The following DCAF5 variants were observed in gnomAD, a reference collection of about 807,000 sequenced individuals.
DCAF5 encodes DDB1 and CUL4 associated factor 5.
DCAF5 carries 9 observed loss-of-function variants against 80.7 expected under a neutral mutation model. The ratio of observed to expected loss-of-function variants is 0.11; its 90% CI spans 0.07 to 0.19. DCAF5 has a LOEUF of 0.19. Among genes scored for constraint, DCAF5 ranks in the 10% least tolerant of loss-of-function variants. The pLI is 1.00. For synonymous variants in DCAF5, 433 were observed against 461.9 expected (o/e 0.94, Z 0.80); for missense variants, 842 against 1,205.7 (o/e 0.70, Z 4.47).
At chr14:69,145,406 A>G (rs1233221097) in intron 1 of DCAF5, among the ~76,000 whole-genome samples, 1 of 152,232 alleles carries the variant, frequency 6.6e-6, no homozygotes, top group East Asian at 1.9e-4. Flanking sequence ...TAATGTGTCT[A>G]AAGATAAATT....
chr14:69,070,542 G>T (rs2038645993), intron 7 of DCAF5, among the ~76,000 whole-genome samples: 1 of 152,230 alleles, frequency 6.6e-6, no homozygotes, highest in Non-Finnish European at 1.5e-5. Context: ...CATGTAGTTA[G>T]TGGTAGTTAA....
At chr14:69,141,694 C>T (rs1006276990) in intron 1 of DCAF5, among the ~76,000 whole-genome samples, 27 of 152,150 alleles carry the variant, frequency 1.8e-4, no homozygotes, top group South Asian at 1.0e-3. Context: ...AGGCAGGTGA[C>T]GTAGAGTTAC....
rs147750089 is a variant in DCAF5 at position 69,081,088 on chromosome 14, A to T, written c.880-5677T>A. Among the ~76,000 whole-genome samples, 5 of 152,280 alleles carry T rather than the reference A, an allele frequency of 3.3e-5. No individual in the cohort carries two copies. The East Asian group carries it at 9.6e-4, about 29-fold the overall frequency. Reference sequence around the variant, plus strand: ...TAAAAGAATATAAGAAAAAATAAAAAACAAAAAAAATGAAACTCACTTCGC... The same window carrying T: ...TAAAAGAATATAAGAAAAAATAAAATACAAAAAAAATGAAACTCACTTCGC... On this transcript the variant is annotated intron_variant, in intron 6 of 8. Transcript: ENST00000341516.
At chr14:69,062,565 A>G (rs2038259428) in intron 7 of DCAF5, 54 bp from the exon 8 acceptor site, 3 of 1,598,828 alleles carry the variant, frequency 1.9e-6, no homozygotes, top group Non-Finnish European at 2.6e-6. Context: ...GAAAGTAAAT[A>G]GGTTCCAGTA....
chr14:69,112,563 C>T (rs1214336096), intron 5 of DCAF5, among the ~76,000 whole-genome samples: 1 of 146,646 alleles, frequency 6.8e-6, no homozygotes, highest in African/African-American at 2.6e-5. Flanking sequence ...AAGAAAAAAA[C>T]AGGGGAAAGG....
intron 6 of DCAF5, among the ~76,000 whole-genome samples, chr14:69,078,401 C>T (rs1357770539): frequency 6.6e-6 from 1 of 152,106 alleles, no homozygotes; most frequent in Non-Finnish European, 1.5e-5. Context: ...AATAGTTCCC[C>T]CAAAAATTAA....
At chr14:69,076,827 C>T (rs1480035196) in intron 6 of DCAF5, among the ~76,000 whole-genome samples, 1 of 152,126 alleles carries the variant, frequency 6.6e-6, no homozygotes, top group Non-Finnish European at 1.5e-5. Context: ...TAATGCAGAA[C>T]GTAAAAACTA....
In DCAF5 at chr14:69,055,959, T is replaced by C. The variant is rs1594921417; in HGVS notation, c.1075-348A>G. Among the ~76,000 whole-genome samples, 1 of 152,280 alleles carries C rather than the reference T, an allele frequency of 6.6e-6. No homozygotes were observed. Among genetic ancestry groups the C allele is most frequent in the Non-Finnish European group, 1.5e-5 (1 of 68,022 alleles). On this transcript the variant is annotated intron_variant, in intron 8 of 8. Transcript: ENST00000341516. The surrounding 1 kb of genome is among the most constrained non-coding windows in gnomAD (Gnocchi z 5.6). ...GTTTCATCTATTAGTAGTTGGACAT[T>C]ATAATAATAATCCTGGAGAATAGAG...
At chr14:69,074,959 G>A (rs1286379328) in intron 7 of DCAF5, among the ~76,000 whole-genome samples, 3 of 151,860 alleles carry the variant, frequency 2.0e-5, no homozygotes, top group South Asian at 2.1e-4. Flanking sequence ...GCTTGAACCC[G>A]GGAGGCAGAG....
chr14:69,072,618 G>C (rs2038734847), intron 7 of DCAF5, among the ~76,000 whole-genome samples: 1 of 60,024 alleles, frequency 1.7e-5, no homozygotes. Flanking sequence ...GCGAGACCCT[G>C]ACTTTAAAAA....
chr14:69,075,766 G>A (rs780604410), intron 6 of DCAF5, among the ~76,000 whole-genome samples: 27 of 152,284 alleles, frequency 1.8e-4, no homozygotes, highest in African/African-American at 6.3e-4. Context: ...TTACAGGTGT[G>A]AGTCACCACA....
chr14:69,107,662 G>A (rs1278622092), intron 5 of DCAF5, among the ~76,000 whole-genome samples: 2 of 152,128 alleles, frequency 1.3e-5, no homozygotes, highest in East Asian at 3.9e-4. Flanking sequence ...ACTAATTGAC[G>A]GTGGCATTCA....
intron 5 of DCAF5, among the ~76,000 whole-genome samples, chr14:69,116,050 C>T (rs1226675823): frequency 2.0e-5 from 3 of 152,080 alleles, no homozygotes; most frequent in African/African-American, 7.2e-5. Context: ...AGCTCCTATG[C>T]ATCTGGGGAA....
At chr14:69,071,686 A>T (rs911028973) in intron 7 of DCAF5, among the ~76,000 whole-genome samples, 1 of 152,184 alleles carries the variant, frequency 6.6e-6, no homozygotes, top group Non-Finnish European at 1.5e-5. Context: ...TATTTAAGTC[A>T]AAAAGACATT....
chr14:69,056,629 C>G (rs2139829446), intron 8 of DCAF5, among the ~76,000 whole-genome samples: 1 of 152,314 alleles, frequency 6.6e-6, no homozygotes, highest in African/African-American at 2.4e-5. Context: ...GCCTGACAGG[C>G]TGGTGTCTAT....
intron 7 of DCAF5, among the ~76,000 whole-genome samples, chr14:69,073,040 G>T (rs540814144): frequency 3.9e-4 from 60 of 152,340 alleles, no homozygotes; most frequent in African/African-American, 1.4e-3. Context: ...ACTGCATAGT[G>T]CATTTTAGAA....
At chr14:69,120,227 G>C (rs1205856173) in intron 2 of DCAF5, among the ~76,000 whole-genome samples, 1 of 152,014 alleles carries the variant, frequency 6.6e-6, no homozygotes, top group Non-Finnish European at 1.5e-5. Context: ...GGAACTACAG[G>C]CATGTGTCAC....
chr14:69,067,308 T>C (rs1432920098), intron 7 of DCAF5, among the ~76,000 whole-genome samples: 1 of 151,870 alleles, frequency 6.6e-6, no homozygotes, highest in East Asian at 2.0e-4. Flanking sequence ...TGTTTCTTTT[T>C]TTCCATCTTC....
chr14:69,112,076 G>A (rs1351833392), intron 5 of DCAF5, among the ~76,000 whole-genome samples: 1 of 152,204 alleles, frequency 6.6e-6, no homozygotes, highest in East Asian at 1.9e-4. Context: ...TTCAAGAGAT[G>A]TAAGAAACTA....
Sources: gnomAD v4.1 joint callset for allele counts (sites outside exome capture counted in the v4.1 genomes callset) on GRCh38, gnomAD v4.1.1 for gene constraint, Gnocchi (gnomAD v3.1) non-coding constraint, MANE v1.5 for transcripts, NCBI Gene and HGNC (gene_info 2026-07-23, HGNC 2026-07-21) for gene names.